The following PCDHGB3 variants were observed in gnomAD, a reference collection of about 807,000 sequenced individuals.
PCDHGB3 encodes the protein protocadherin gamma-B3.
Under a neutral mutation model 59.2 loss-of-function variants are expected in PCDHGB3, and 40 were observed. The ratio of observed to expected loss-of-function variants is 0.68; its 90% CI spans 0.52 to 0.88. The LOEUF is 0.88. Ranked by LOEUF, PCDHGB3 falls within the 40% of genes least tolerant of loss-of-function variation. The pLI is 0.00. For synonymous variants in PCDHGB3, 581 were observed against 503.6 expected, an observed-to-expected ratio of 1.15 and a Z score of -2.06; for missense variants, 1,309 against 1,187.9, an observed-to-expected ratio of 1.10 and a Z score of -1.50.
At chr5:141,465,894 G>A (rs970043849) in intron 1 of PCDHGB3, among the ~76,000 whole-genome samples, 1 of 152,098 alleles carries the variant, frequency 6.6e-6, no homozygotes, top group Non-Finnish European at 1.5e-5. Flanking sequence ...AGGCCGAGGC[G>A]GGCAAATCAC....
At chr5:141,444,288 C>T (rs2098430665) in intron 1 of PCDHGB3, among the ~76,000 whole-genome samples, 1 of 150,100 alleles carries the variant, frequency 6.7e-6, no homozygotes, top group South Asian at 2.1e-4. Flanking sequence ...TCTCCTGCCT[C>T]AGCCTCCCTA....
chr5:141,499,054 TGAA>T (rs2099789231), intron 2 of PCDHGB3, among the ~76,000 whole-genome samples: 1 of 150,820 alleles, frequency 6.6e-6, no homozygotes, highest in Non-Finnish European at 1.5e-5. Context: ...GGAGAAAAAA[TGAA>T]GAAGACTTAC....
chr5:141,492,548 C>T (rs1028674110), intron 1 of PCDHGB3, among the ~76,000 whole-genome samples: 5 of 152,218 alleles, frequency 3.3e-5, no homozygotes, highest in African/African-American at 9.6e-5. Flanking sequence ...TGGGCCGGGT[C>T]GCCTGGGGGG....
chr5:141,395,016 G>A (rs772379480), intron 1 of PCDHGB3: 2 of 1,614,068 alleles, frequency 1.2e-6, no homozygotes, highest in Non-Finnish European at 1.7e-6. Flanking sequence ...ATTGGTAGGC[G>A]TGCCTGCCTC....
At chr5:141,375,357 C>T in intron 1 of PCDHGB3, 3 of 1,613,858 alleles carry the variant, frequency 1.9e-6, no homozygotes, top group African/African-American at 1.3e-5. Flanking sequence ...GTGACAGCCA[C>T]GGACAAAGGA....
At chr5:141,478,488 G>A in intron 1 of PCDHGB3, 1 of 1,613,320 alleles carries the variant, frequency 6.2e-7, no homozygotes, top group Non-Finnish European at 8.5e-7. Context: ...ACGCTGCGGA[G>A]CTGTGATCCG....
intron 1 of PCDHGB3, among the ~76,000 whole-genome samples, chr5:141,462,479 GGTT>G (rs1329069527): frequency 6.6e-6 from 1 of 151,838 alleles, no homozygotes; most frequent in Non-Finnish European, 1.5e-5. Flanking sequence ...TGCTTCTCGT[GGTT>G]GTTGTATCCT....
Position 141,432,473 on chromosome 5 carries a change from T to G in PCDHGB3, c.2415+59664T>G. On this transcript the variant is annotated intron_variant, in intron 1 of 3. Coordinates refer to ENST00000576222, the MANE Select transcript of PCDHGB3 (RefSeq NM_018924.5). The surrounding 1 kb of genome is among the most constrained non-coding windows in gnomAD (Gnocchi z 6.0). ...GTACCCCGCCCTCCCCACGGACGGT[T>G]CCACTGGCGTGGAGCTGGCTCCCCG... 1 of 1,614,180 alleles carries G rather than the reference T, an allele frequency of 6.2e-7. No individual in the cohort carries two copies. The highest frequency in any genetic ancestry group is 1.1e-5 in the South Asian group (1 of 91,078).
rs762168645 is a variant in PCDHGB3 at position 141,371,737 on chromosome 5, A to G, written c.1343A>G (p.Asn448Ser). 1 of 1,614,038 alleles carries G rather than the reference A, an allele frequency of 6.2e-7. No homozygotes were observed. Among genetic ancestry groups the G allele is most frequent in the South Asian group, 1.1e-5 (1 of 91,082 alleles). Reference protein sequence around the residue: ...ITLHILDVNDNVPVFHQASYT... With the variant: ...ITLHILDVNDSVPVFHQASYT... ...CTGCACATCCTTGATGTCAACGACA[A>G]CGTTCCCGTTTTCCACCAGGCCTCC... The change falls in exon 1 of 4, where the codon AAC becomes AGC. Residue 448 changes from asparagine (N) to serine (S), a missense_variant. Coordinates refer to ENST00000576222, the MANE Select transcript of PCDHGB3 (RefSeq NM_018924.5).
At chr5:141,374,942 A>C (rs758134474) in intron 1 of PCDHGB3, 3 of 1,614,044 alleles carry the variant, frequency 1.9e-6, no homozygotes, top group Non-Finnish European at 2.5e-6. Flanking sequence ...GATTACAGAA[A>C]AGATCTCACA....
At chr5:141,413,980 A>C in intron 1 of PCDHGB3, 12 of 1,613,530 alleles carry the variant, frequency 7.4e-6, no homozygotes, top group Non-Finnish European at 1.0e-5. Flanking sequence ...GCTGACAGTC[A>C]CAGCCACCGA....
chr5:141,385,549 C>T, intron 1 of PCDHGB3: 3 of 1,316,166 alleles, frequency 2.3e-6, no homozygotes, highest in East Asian at 2.9e-5. Context: ...TGGACTATCA[C>T]ATTTTATAAT....
chr5:141,375,701 C>T (rs768533909), intron 1 of PCDHGB3: 7 of 1,614,256 alleles, frequency 4.3e-6, no homozygotes, highest in South Asian at 1.1e-5. Context: ...CAGCGGGGAC[C>T]CGCCTCTTAG....
chr5:141,415,404 C>T, intron 1 of PCDHGB3: 1 of 1,614,238 alleles, frequency 6.2e-7, no homozygotes, highest in Non-Finnish European at 8.5e-7. Context: ...CCGGCTCGCA[C>T]TTTGTGGGCG....
intron 1 of PCDHGB3, among the ~76,000 whole-genome samples, chr5:141,466,519 C>A (rs1406838553): frequency 6.6e-6 from 1 of 151,864 alleles, no homozygotes; most frequent in Non-Finnish European, 1.5e-5. Flanking sequence ...CATTTTTTTT[C>A]CTCCCAAATT....
chr5:141,417,878 C>T, intron 1 of PCDHGB3: 1 of 1,558,216 alleles, frequency 6.4e-7, no homozygotes, highest in Non-Finnish European at 8.7e-7. Context: ...GAGCTGCGCG[C>T]AGAGGCGCCG....
intron 2 of PCDHGB3, among the ~76,000 whole-genome samples, chr5:141,498,601 G>A (rs2099784606): frequency 6.6e-6 from 1 of 152,126 alleles, no homozygotes; most frequent in African/African-American, 2.4e-5. Flanking sequence ...CTTGGTTCAA[G>A]TTCAAGTCAG....
At chr5:141,389,745 A>G in intron 1 of PCDHGB3, 1 of 1,612,748 alleles carries the variant, frequency 6.2e-7, no homozygotes, top group Non-Finnish European at 8.5e-7. Context: ...GGGGCTGCGC[A>G]CGGGCGAAGT....
Position 141,485,538 on chromosome 5 carries a change from A to T in PCDHGB3, c.2416-9269A>T. ...TTGGAAATGTACCGAGCAGAGGTAG[A>T]GATCGTAGATGTGAATGATCACGCC... On this transcript the variant is annotated intron_variant, in intron 1 of 3. Transcript: ENST00000576222. The surrounding 1 kb of genome is among the most constrained non-coding windows in gnomAD (Gnocchi z 5.7). The T allele has an allele frequency of 6.2e-7, 1 of 1,614,162 alleles. No individual in the cohort carries two copies. Among genetic ancestry groups the T allele is most frequent in the Admixed American group, 1.7e-5 (1 of 60,012 alleles).
Sources: allele counts gnomAD v4.1 joint callset (sites outside exome capture counted in the v4.1 genomes callset), GRCh38; gene constraint gnomAD v4.1.1; non-coding constraint Gnocchi (gnomAD v3.1); transcripts MANE v1.5; gene names NCBI Gene and HGNC (gene_info 2026-07-23, HGNC 2026-07-21).